Variants in ATP8A2 observed in about 807,000 individuals in gnomAD.
ATP8A2 encodes phospholipid-transporting ATPase IB.
ATP8A2 carries 100 observed loss-of-function variants against 165.6 expected under a neutral mutation model. That is an observed-to-expected ratio of 0.60 (90% CI 0.51 to 0.71). ATP8A2 has a LOEUF of 0.71. Among genes scored for constraint, ATP8A2 ranks in the 30% least tolerant of loss-of-function variants. The pLI is 0.00. For missense variants in ATP8A2, 1,227 were observed against 1,479.5 expected, an observed-to-expected ratio of 0.83 and a Z score of 2.80; for synonymous variants, 543 against 548.8, an observed-to-expected ratio of 0.99 and a Z score of 0.15.
intron 15 of ATP8A2, among the ~76,000 whole-genome samples, chr13:25,563,605 T>G (rs1257077932): frequency 6.6e-6 from 1 of 152,190 alleles, no homozygotes; most frequent in Non-Finnish European, 1.5e-5. Context: ...TTGTTTTATT[T>G]GCTGTGAGCA....
chr13:25,683,075 T>A (rs2042527567), intron 24 of ATP8A2, among the ~76,000 whole-genome samples: 1 of 152,228 alleles, frequency 6.6e-6, no homozygotes, highest in African/African-American at 2.4e-5. Flanking sequence ...TTGCATTTGA[T>A]AAGATATACA....
At chr13:25,867,255 A>G (rs1952533376) in intron 33 of ATP8A2, among the ~76,000 whole-genome samples, 2 of 151,588 alleles carry the variant, frequency 1.3e-5, no homozygotes, top group Admixed American at 6.6e-5. Context: ...CAGAGGGAGG[A>G]ATGGTTCTGT....
At chr13:25,405,343 C>T (rs1220333018) in intron 1 of ATP8A2, among the ~76,000 whole-genome samples, 1 of 152,166 alleles carries the variant, frequency 6.6e-6, no homozygotes, top group Non-Finnish European at 1.5e-5. Context: ...ATGGGATCTA[C>T]CGCATATGAT....
chr13:25,530,709 A>G lies in ATP8A2; in HGVS notation c.420+49A>G, dbSNP rs1399426022. 3.5e-6 allele frequency: 4 copies of G among 1,139,614 alleles called. No individual in the cohort carries two copies. The African/African-American group carries it at 6.2e-5, about 18-fold the overall frequency. The allele number at this position is 1,139,614 out of a possible 1,614,324, so 70.6% of individuals were successfully genotyped here. A position where few individuals can be genotyped will look rare whatever the true frequency, so the allele number is the denominator to read the frequency against. On this transcript the variant is annotated intron_variant, in intron 4 of 36. Coordinates refer to ENST00000381655, the MANE Select transcript of ATP8A2 (RefSeq NM_016529.6). ...AAAATCATTGTATGCAGTAGATAAT[A>G]ACTTATGTGTTGCCTCGGGTGATAT...
chr13:25,898,512 C>T (rs913393537), intron 33 of ATP8A2, among the ~76,000 whole-genome samples: 4 of 152,244 alleles, frequency 2.6e-5, no homozygotes, highest in Non-Finnish European at 5.9e-5. Context: ...GTTCTCAGAT[C>T]TCAAGCTGCG....
chr13:25,379,242 T>A (rs1566090549), intron 1 of ATP8A2, among the ~76,000 whole-genome samples: 1 of 152,184 alleles, frequency 6.6e-6, no homozygotes, highest in Non-Finnish European at 1.5e-5. Context: ...CTAGAGATAC[T>A]GTGTAAGCCA....
intron 24 of ATP8A2, among the ~76,000 whole-genome samples, chr13:25,627,728 C>G (rs1176806108): frequency 6.6e-6 from 1 of 152,136 alleles, no homozygotes; most frequent in Admixed American, 6.5e-5. Context: ...CCTGAGCAGA[C>G]CGAGATGGAA....
At chr13:25,580,004 A>C in intron 22 of ATP8A2, 57 bp downstream of exon 22, 14 of 1,591,334 alleles carry the variant, frequency 8.8e-6, no homozygotes, top group Non-Finnish European at 1.2e-5. Flanking sequence ...CACCTATTTC[A>C]CAAAGTATTT....
intron 23 of ATP8A2, among the ~76,000 whole-genome samples, chr13:25,587,493 A>G (rs2039957001): frequency 1.3e-5 from 2 of 152,204 alleles, no homozygotes; most frequent in Admixed American, 1.3e-4. Context: ...CAGTTGTCAA[A>G]TGGCATTTTG....
intron 1 of ATP8A2, among the ~76,000 whole-genome samples, chr13:25,379,649 A>G (rs1297222337): frequency 1.3e-5 from 2 of 152,118 alleles, no homozygotes; most frequent in Non-Finnish European, 2.9e-5. Flanking sequence ...AAAACTGCAG[A>G]ATTTTTGTTT....
chr13:25,839,496 G>A (rs978001007), intron 29 of ATP8A2, 50 bp from the exon 30 acceptor site: 8 of 1,340,934 alleles, frequency 6.0e-6, no homozygotes, highest in Non-Finnish European at 8.6e-6. Flanking sequence ...GTTTCACAGA[G>A]GTCAAGCGTT....
chr13:25,439,357 C>T (rs2034868320), intron 1 of ATP8A2, among the ~76,000 whole-genome samples: 1 of 152,174 alleles, frequency 6.6e-6, no homozygotes, highest in Non-Finnish European at 1.5e-5. Context: ...GAGCTTTGCT[C>T]ACCCTCCCGT....
chr13:25,863,245 G>C (rs930743014), intron 33 of ATP8A2: 1 of 152,440 alleles, frequency 6.6e-6, no homozygotes, highest in Non-Finnish European at 1.5e-5. Flanking sequence ...GTGTTCCTCG[G>C]CACGGAGTGA....
chr13:25,986,674 C>T (rs1017423419), intron 35 of ATP8A2, among the ~76,000 whole-genome samples: 2 of 152,202 alleles, frequency 1.3e-5, no homozygotes, highest in African/African-American at 2.4e-5. Context: ...CATGGCAGTG[C>T]GGATGTCTCT....
At position 25,747,101 on chromosome 13, in the gene ATP8A2, A is replaced by T. The variant is rs1417255893; in HGVS notation, c.2385-21945A>T. On this transcript the variant is annotated intron_variant, in intron 25 of 36. Coordinates refer to ENST00000381655, the MANE Select transcript of ATP8A2 (RefSeq NM_016529.6). Reference sequence around the variant, plus strand: ...AAATTATTTTCTAAGGGAGGGTGTCACTGTCTTTGGAAAGATCTAAAATAG... The same window carrying T: ...AAATTATTTTCTAAGGGAGGGTGTCTCTGTCTTTGGAAAGATCTAAAATAG... Among the ~76,000 whole-genome samples, 3 of 152,226 alleles carry T rather than the reference A, an allele frequency of 2.0e-5. No homozygotes were observed. In the South Asian group the frequency reaches 6.2e-4, roughly 31 times the overall value.
At chr13:25,550,430 A>C (rs1177587411) in intron 10 of ATP8A2, among the ~76,000 whole-genome samples, 1 of 152,192 alleles carries the variant, frequency 6.6e-6, no homozygotes, top group Non-Finnish European at 1.5e-5. Context: ...TAATAAAATG[A>C]CTTCAGGTGC....
intron 13 of ATP8A2, 38 bp downstream of exon 13, chr13:25,555,106 G>A (rs749356383): frequency 1.5e-4 from 216 of 1,425,800 alleles, no homozygotes; most frequent in Non-Finnish European, 1.9e-4. Context: ...ATGGTGACAC[G>A]AGCATGAGGG....
At chr13:25,990,277 A>C (rs952112416) in intron 35 of ATP8A2, among the ~76,000 whole-genome samples, 2 of 151,842 alleles carry the variant, frequency 1.3e-5, no homozygotes, top group Non-Finnish European at 2.9e-5. Context: ...AAAAAAAAAA[A>C]AAAAAGCAAA....
intron 27 of ATP8A2, among the ~76,000 whole-genome samples, chr13:25,803,857 A>C (rs1387273033): frequency 6.6e-6 from 1 of 152,252 alleles, no homozygotes; most frequent in Non-Finnish European, 1.5e-5. Context: ...GCATCTGAGA[A>C]CTGTGTATGT....
Sources: allele counts gnomAD v4.1 joint callset (sites outside exome capture counted in the v4.1 genomes callset), GRCh38; gene constraint gnomAD v4.1.1; transcripts MANE v1.5; gene names NCBI Gene and HGNC (gene_info 2026-07-23, HGNC 2026-07-21).